The following MRNIP variants were observed in gnomAD, a reference collection of about 807,000 sequenced individuals.
MRNIP encodes MRN complex-interacting protein.
MRNIP carries 30 observed loss-of-function variants against 29.8 expected under a neutral mutation model. That is an observed-to-expected ratio of 1.01 (90% CI 0.75 to 1.36). The LOEUF (loss-of-function observed/expected upper bound fraction) is 1.36. Among genes scored for constraint, MRNIP ranks in the 40% most tolerant of loss-of-function variants. The pLI is 0.00. For missense variants in MRNIP, 459 were observed against 423.5 expected, an observed-to-expected ratio of 1.08 and a Z score of -0.74; for synonymous variants, 201 against 164.1, an observed-to-expected ratio of 1.23 and a Z score of -1.72.
At chr5:179,840,659 T>C in intron 6 of MRNIP, 2 of 599,088 alleles carry the variant, frequency 3.3e-6, no homozygotes, top group Admixed American at 2.9e-5. Flanking sequence ...GGTCCTGAGT[T>C]ACCCTCATGG....
At chr5:179,853,489 G>T in intron 1 of MRNIP, 52 bp from the exon 2 acceptor site, 1 of 1,479,886 alleles carries the variant, frequency 6.8e-7, no homozygotes, top group Non-Finnish European at 9.3e-7. Context: ...AAACAAAATG[G>T]AATTGGGCTG....
At chr5:179,857,713 T>G (rs1342857676) in intron 1 of MRNIP, among the ~76,000 whole-genome samples, 3 of 152,050 alleles carry the variant, frequency 2.0e-5, no homozygotes, top group Non-Finnish European at 4.4e-5. Flanking sequence ...AACATACCTC[T>G]TAAACAAGTC....
Position 179,837,468 on chromosome 5 carries a change from G to C in MRNIP, c.955C>G (p.Leu319Val). 6.2e-7 allele frequency: 1 copy of C among 1,613,462 alleles called. No homozygotes were observed. Among genetic ancestry groups the C allele is most frequent in the Non-Finnish European group, 8.5e-7 (1 of 1,179,634 alleles). Residue 319 changes from leucine to valine, a missense_variant, in exon 7 of 7, where the codon CTG becomes GTG. Coordinates refer to ENST00000292586, the MANE Select transcript of MRNIP (RefSeq NM_016175.4). ...TPWAEGGPLVLEAQNPRPTRL... is the reference protein window; with the variant it reads ...TPWAEGGPLVVEAQNPRPTRL... ...GTGGGTCGAGGATTCTGTGCCTCCAGGACCAGGGGCCCACCCTCTGCCCAG... is the reference window on the plus strand; with the variant it reads ...GTGGGTCGAGGATTCTGTGCCTCCACGACCAGGGGCCCACCCTCTGCCCAG...
intron 1 of MRNIP, among the ~76,000 whole-genome samples, chr5:179,856,884 T>C (rs1368780956): frequency 6.6e-6 from 1 of 150,892 alleles, no homozygotes; most frequent in African/African-American, 2.4e-5. Context: ...AGCCCAGGAG[T>C]TCCAGACCAG....
chr5:179,839,119 C>CA (rs1758751499), intron 6 of MRNIP: 1 of 151,520 alleles, frequency 6.6e-6, no homozygotes, highest in Admixed American at 6.6e-5. Flanking sequence ...GGCGTGGTGG[C>CA]GGGTGCCTGT....
At chr5:179,844,412 G>A (rs1483878675) in intron 3 of MRNIP, 185 bp from the exon 4 acceptor site, 4 of 516,450 alleles carry the variant, frequency 7.7e-6, no homozygotes, top group Middle Eastern at 5.2e-4. Flanking sequence ...GGAGGCTGAG[G>A]CAGATAATGT....
At chr5:179,839,969 T>TA (rs1758808408) in intron 6 of MRNIP, 1 of 27,600 alleles carries the variant, frequency 3.6e-5, no homozygotes, top group African/African-American at 1.8e-4. Flanking sequence ...CTCTAAAAAA[T>TA]TTTTTTTTTC....
At chr5:179,857,692 G>C (rs1228130160) in intron 1 of MRNIP, among the ~76,000 whole-genome samples, 4 of 152,058 alleles carry the variant, frequency 2.6e-5, no homozygotes. Flanking sequence ...TCAGCATCTT[G>C]CTGACTTTTT....
At position 179,853,096 on chromosome 5, in the gene MRNIP, G is replaced by A. The variant is rs1055281720; in HGVS notation, c.126+282C>T. On this transcript the variant is annotated intron_variant, in intron 2 of 6. Coordinates refer to ENST00000292586, the MANE Select transcript of MRNIP (RefSeq NM_016175.4). ...CTTCCACACAAGTGCATCTGTGAGG[G>A]CAAGAATGACAATGGGCTTACTTTC... The A allele has an allele frequency of 1.2e-5, 8 of 692,240 alleles. No homozygotes were observed. In the East Asian group the frequency reaches 2.2e-4, roughly 19 times the overall value. 42.9% of individuals were successfully genotyped at this position (692,240 alleles called of 1,614,324 possible). A position where few individuals can be genotyped will look rare whatever the true frequency, so the allele number is the denominator to read the frequency against.
chr5:179,849,115 C>G (rs1486145423), intron 2 of MRNIP, among the ~76,000 whole-genome samples: 1 of 147,194 alleles, frequency 6.8e-6, no homozygotes, highest in African/African-American at 2.5e-5. Flanking sequence ...AATTTGAGAC[C>G]ATGGGTCCTG....
chr5:179,848,404 T>A (rs62406256), intron 2 of MRNIP, among the ~76,000 whole-genome samples: 2 of 152,224 alleles, frequency 1.3e-5, no homozygotes, highest in African/African-American at 4.8e-5. Flanking sequence ...CCATATTGTA[T>A]AACATACTGC....
chr5:179,851,835 G>A (rs1046723895), intron 2 of MRNIP, among the ~76,000 whole-genome samples: 5 of 151,776 alleles, frequency 3.3e-5, no homozygotes, highest in African/African-American at 7.3e-5. Context: ...AATATTAGCC[G>A]GGCGTGGTGG....
At chr5:179,844,877 C>A (rs564064842) in intron 3 of MRNIP, among the ~76,000 whole-genome samples, 1 of 152,308 alleles carries the variant, frequency 6.6e-6, no homozygotes, top group African/African-American at 2.4e-5. Context: ...TTTCTACATA[C>A]ACAATCATGC....
Position 179,841,753 on chromosome 5 carries a change from C to A in MRNIP, c.449+154G>T, listed in dbSNP as rs1432614020. On this transcript the variant is annotated intron_variant, in intron 5 of 6. Transcript: ENST00000292586. ...CCAATGCCCAGGTGGGCTGTGGGGC[C>A]AGCAGTGGCAGCAGCTGCCCGATTT... 1.2e-5 allele frequency: 9 copies of A among 773,680 alleles called. No individual in the cohort carries two copies. In the East Asian group the frequency reaches 2.3e-4, roughly 20 times the overall value. The allele number at this position is 773,680 out of a possible 1,614,324, so 47.9% of individuals were successfully genotyped here.
Position 179,840,807 on chromosome 5 carries a change from A to C in MRNIP, c.537+65T>G, listed in dbSNP as rs757120252. ...CGCACACTTCGTCAACTGTGACAAA[A>C]GACAGAATTATCACACACACGCTCA... is the stretch of plus-strand genomic sequence containing the variant. On this transcript the variant is annotated intron_variant, in intron 6 of 6. Transcript: ENST00000292586. 3.4e-6 allele frequency: 4 copies of C among 1,163,500 alleles called. No homozygotes were observed. In the African/African-American group the frequency reaches 6.1e-5, roughly 18 times the overall value. The allele number at this position is 1,163,500 out of a possible 1,614,324, so 72.1% of individuals were successfully genotyped here.
At position 179,837,306 on chromosome 5, in the gene MRNIP, C is replaced by T; in HGVS notation, c.*85G>A. On this transcript the variant is annotated 3_prime_UTR_variant, in exon 7 of 7. Transcript: ENST00000292586. ...GACAGTAAGTTTATTGTTAATGGTT[C>T]TTACAGAGTATCTTTAAAAGTGCCT... 1 of 1,600,600 alleles carries T rather than the reference C, an allele frequency of 6.2e-7. No homozygotes were observed.
At chr5:179,849,420 G>GTC (rs1459894720) in intron 2 of MRNIP, among the ~76,000 whole-genome samples, 4 of 149,662 alleles carry the variant, frequency 2.7e-5, no homozygotes, top group African/African-American at 9.9e-5. Context: ...GTGACCATGG[G>GTC]TCCTGCTATG....
At chr5:179,846,354 G>C (rs1270637366) in intron 3 of MRNIP, among the ~76,000 whole-genome samples, 2 of 151,858 alleles carry the variant, frequency 1.3e-5, no homozygotes, top group Admixed American at 6.6e-5. Context: ...CACCACCTCG[G>C]AACACTGCAG....
In MRNIP at chr5:179,858,546, G is replaced by A. The variant is rs920791867; in HGVS notation, c.66+185C>T. Among the ~76,000 whole-genome samples the A allele has an allele frequency of 1.2e-4, 19 of 152,210 alleles. 1 individual carries two copies. Among genetic ancestry groups the A allele is most frequent in the Non-Finnish European group, 1.5e-4 (10 of 68,030 alleles). On this transcript the variant is annotated intron_variant, in intron 1 of 6. Coordinates refer to ENST00000292586, the MANE Select transcript of MRNIP (RefSeq NM_016175.4). ...GAACCATTACCTCTGGTTTGTACAA[G>A]AACCAAACAAAAAGCTCAGAACGTT...
Sources: allele counts gnomAD v4.1 joint callset (sites outside exome capture counted in the v4.1 genomes callset), GRCh38; gene constraint gnomAD v4.1.1; transcripts MANE v1.5; gene names NCBI Gene and HGNC (gene_info 2026-07-23, HGNC 2026-07-21).